TSPAN14: variants seen among roughly 807,000 people sequenced by gnomAD.
The protein encoded by TSPAN14 is tetraspanin 14, also known as tetraspanin-14.
A neutral mutation model predicts 36.6 loss-of-function variants in TSPAN14; 16 were observed. That is an observed-to-expected ratio of 0.44 (90% CI 0.30 to 0.66). The LOEUF is 0.66. TSPAN14 is among the 30% of genes least tolerant of loss of function. TSPAN14 has a pLI of 0.12. For missense variants in TSPAN14, 231 were observed against 355.1 expected (o/e 0.65, Z 2.81); for synonymous variants, 139 against 143.8 (o/e 0.97, Z 0.24).
intron 1 of TSPAN14, among the ~76,000 whole-genome samples, chr10:80,480,836 C>T (rs1440387774): frequency 1.3e-5 from 2 of 151,954 alleles, no homozygotes; most frequent in South Asian, 2.1e-4. Flanking sequence ...TGCTAAATGA[C>T]GAGTTAATGG....
intron 1 of TSPAN14, among the ~76,000 whole-genome samples, chr10:80,456,011 C>G (rs758280955): frequency 1.2e-4 from 19 of 152,310 alleles, no homozygotes; most frequent in Non-Finnish European, 1.9e-4. Context: ...TCCATCCCCA[C>G]ATCTCTGAAC....
At chr10:80,475,549 C>T (rs1015514458) in intron 1 of TSPAN14, among the ~76,000 whole-genome samples, 2 of 152,138 alleles carry the variant, frequency 1.3e-5, no homozygotes, top group Admixed American at 6.5e-5. Context: ...AAGGTCCACT[C>T]TGTTCTGAGT....
intron 1 of TSPAN14, among the ~76,000 whole-genome samples, chr10:80,457,281 G>A (rs1845779573): frequency 6.6e-6 from 1 of 151,730 alleles, no homozygotes; most frequent in Non-Finnish European, 1.5e-5. Flanking sequence ...CGCCTCCTGG[G>A]TTCAAGTGAT....
Position 80,465,252 on chromosome 10 carries a change from GC to G in TSPAN14, c.-18+10887del, listed in dbSNP as rs1209625628. ...GCCTGGGTTGCTATTAGTCTCCCAGGCCCCCCACTTGCTTTGTGCCTCAGTG... is the reference window on the plus strand; with the variant it reads ...GCCTGGGTTGCTATTAGTCTCCCAGGCCCCCACTTGCTTTGTGCCTCAGTG... On this transcript the variant is annotated intron_variant, in intron 1 of 8. Transcript: ENST00000429989. Among the ~76,000 whole-genome samples the G allele has an allele frequency of 2.0e-5, 3 of 152,178 alleles. No individual in the cohort carries two copies. In the East Asian group the frequency reaches 5.8e-4, roughly 30 times the overall value.
intron 6 of TSPAN14, 138 bp downstream of exon 6, chr10:80,512,407 A>C (rs1840709304): frequency 7.8e-7 from 1 of 1,289,248 alleles, no homozygotes; most frequent in Non-Finnish European, 1.0e-6. Flanking sequence ...CACCCTCCTC[A>C]AGGCTGCCTC....
intron 1 of TSPAN14, among the ~76,000 whole-genome samples, chr10:80,470,973 C>G (rs183516559): frequency 6.6e-6 from 1 of 152,204 alleles, no homozygotes; most frequent in Non-Finnish European, 1.5e-5. Flanking sequence ...GCACAGCTCT[C>G]GATCCCAAAC....
intron 8 of TSPAN14, among the ~76,000 whole-genome samples, chr10:80,517,073 T>C (rs574923206): frequency 1.3e-5 from 2 of 152,328 alleles, no homozygotes; most frequent in South Asian, 4.1e-4. Context: ...CCGCAGCTTC[T>C]GGGTCCACTG....
chr10:80,515,592 A>T (rs796713844), intron 7 of TSPAN14: 2 of 151,488 alleles, frequency 1.3e-5, no homozygotes, highest in African/African-American at 4.9e-5. Context: ...AGGGGCTAAT[A>T]CTCCATCATG....
intron 1 of TSPAN14, among the ~76,000 whole-genome samples, chr10:80,462,011 T>C (rs376469674): frequency 2.0e-5 from 3 of 151,750 alleles, no homozygotes; most frequent in Non-Finnish European, 4.4e-5. Context: ...CCTTCCTGGC[T>C]CAAGTGATCC....
At chr10:80,515,197 G>C (rs758569648) in intron 7 of TSPAN14, among the ~76,000 whole-genome samples, 122 of 152,172 alleles carry the variant, frequency 8.0e-4, no homozygotes, top group Non-Finnish European at 1.6e-3. Flanking sequence ...ACCACAGACA[G>C]AAATTTAAGC....
At chr10:80,455,685 C>G (rs1252258161) in intron 1 of TSPAN14, among the ~76,000 whole-genome samples, 2 of 152,182 alleles carry the variant, frequency 1.3e-5, no homozygotes, top group East Asian at 3.9e-4. Flanking sequence ...TGGGGGCGGC[C>G]GTCTTTCCAG....
intron 7 of TSPAN14, among the ~76,000 whole-genome samples, chr10:80,514,797 C>T (rs1840842487): frequency 1.3e-5 from 2 of 152,076 alleles, no homozygotes; most frequent in Non-Finnish European, 2.9e-5. Flanking sequence ...ACTTAAACTC[C>T]AATGTGATGG....
chr10:80,512,322 A>T, intron 6 of TSPAN14, 53 bp downstream of exon 6: 4 of 1,604,944 alleles, frequency 2.5e-6, no homozygotes, highest in Non-Finnish European at 3.4e-6. Context: ...GAAGCCCAGA[A>T]GCTTTCCTGA....
Position 80,485,518 on chromosome 10 carries a change from C to T in TSPAN14, c.-17-3699C>T, listed in dbSNP as rs369078383. The T allele has an allele frequency of 9.9e-6, 5 of 505,940 alleles. No homozygotes were observed. In the South Asian group the frequency reaches 2.6e-4, roughly 26 times the overall value. 31.3% of individuals were successfully genotyped at this position (505,940 alleles called of 1,614,324 possible). On this transcript the variant is annotated intron_variant, in intron 1 of 8. Transcript: ENST00000429989. ...CTGTTGTGCAGCTCCATCATTACCC[C>T]TCCACAGTCAGAAGGCCACCTTACA... is the stretch of plus-strand genomic sequence containing the variant.
At chr10:80,456,845 C>T (rs1845755358) in intron 1 of TSPAN14, among the ~76,000 whole-genome samples, 1 of 151,988 alleles carries the variant, frequency 6.6e-6, no homozygotes, top group Non-Finnish European at 1.5e-5. Flanking sequence ...GGTGGATCAC[C>T]TGAGGTCAGG....
intron 4 of TSPAN14, among the ~76,000 whole-genome samples, chr10:80,508,839 G>A (rs1840454654): frequency 6.6e-6 from 1 of 152,196 alleles, no homozygotes; most frequent in African/African-American, 2.4e-5. Context: ...TTTTGTGTGT[G>A]TAGTGGGGAG....
At chr10:80,461,996 C>T (rs1845996925) in intron 1 of TSPAN14, among the ~76,000 whole-genome samples, 1 of 151,952 alleles carries the variant, frequency 6.6e-6, no homozygotes, top group Non-Finnish European at 1.5e-5. Context: ...TCACTGAGGC[C>T]TCCACCTTCC....
At chr10:80,513,515 C>T (rs1462402513) in intron 6 of TSPAN14, among the ~76,000 whole-genome samples, 1 of 152,224 alleles carries the variant, frequency 6.6e-6, no homozygotes, top group African/African-American at 2.4e-5. Flanking sequence ...GTAAGTGTTG[C>T]TTTTAGCACA....
intron 2 of TSPAN14, among the ~76,000 whole-genome samples, chr10:80,497,422 A>G (rs1848257040): frequency 6.6e-6 from 1 of 152,190 alleles, no homozygotes; most frequent in Non-Finnish European, 1.5e-5. Context: ...GAACACAGCC[A>G]CACCCATTCA....
Sources: gnomAD v4.1 joint callset for allele counts (sites outside exome capture counted in the v4.1 genomes callset) on GRCh38, gnomAD v4.1.1 for gene constraint, MANE v1.5 for transcripts, NCBI Gene and HGNC (gene_info 2026-07-23, HGNC 2026-07-21) for gene names.